The following VPS13D variants were observed in gnomAD, a reference collection of about 807,000 sequenced individuals.
The protein encoded by VPS13D is intermembrane lipid transfer protein VPS13D.
Under a neutral mutation model 461.9 loss-of-function variants are expected in VPS13D, and 187 were observed. The ratio of observed to expected loss-of-function variants is 0.40; its 90% confidence interval spans 0.36 to 0.46. VPS13D has a LOEUF of 0.46. Among genes scored for constraint, VPS13D ranks in the 20% least tolerant of loss-of-function variants. The pLI is 0.60. For synonymous variants in VPS13D, 1,951 were observed against 1,986.3 expected (o/e 0.98, Z 0.47); for missense variants, 4,711 against 5,364.9 (o/e 0.88, Z 3.81).
intron 54 of VPS13D, among the ~76,000 whole-genome samples, chr1:12,370,463 G>A (rs575670791): frequency 2.0e-5 from 3 of 152,190 alleles, no homozygotes; most frequent in South Asian, 4.1e-4. Context: ...CAAAATGTTC[G>A]GAACATTTTT....
intron 52 of VPS13D, 114 bp downstream of exon 52, chr1:12,363,361 C>T: frequency 1.7e-6 from 2 of 1,164,186 alleles, no homozygotes; most frequent in Non-Finnish European, 2.4e-6. Flanking sequence ...AGACAGAGGT[C>T]TTAGAACTTG....
At chr1:12,499,386 A>G (rs892968336) in intron 68 of VPS13D, 11 of 888,088 alleles carry the variant, frequency 1.2e-5, no homozygotes, top group Non-Finnish European at 4.0e-6. Flanking sequence ...AAATGAGATT[A>G]TAAATTATTG....
intron 65 of VPS13D, among the ~76,000 whole-genome samples, chr1:12,445,589 A>C (rs1042362414): frequency 2.6e-5 from 4 of 152,230 alleles, no homozygotes; most frequent in African/African-American, 9.6e-5. Context: ...GCCACTGAGG[A>C]ATCCAAGGGA....
intron 6 of VPS13D, among the ~76,000 whole-genome samples, chr1:12,249,812 C>T (rs1640676677): frequency 1.3e-5 from 2 of 152,182 alleles, no homozygotes; most frequent in East Asian, 1.9e-4. Context: ...ACTTTTGACA[C>T]CAGACGTGTG....
intron 13 of VPS13D, among the ~76,000 whole-genome samples, chr1:12,265,985 C>G (rs1415624778): frequency 1.3e-5 from 2 of 151,978 alleles, no homozygotes; most frequent in African/African-American, 4.8e-5. Flanking sequence ...ATAGCAAGAC[C>G]CTATCTCTAC....
At chr1:12,399,836 G>C (rs1644550609) in intron 60 of VPS13D, among the ~76,000 whole-genome samples, 1 of 151,974 alleles carries the variant, frequency 6.6e-6, no homozygotes, top group Admixed American at 6.6e-5. Context: ...AAAAAAATAT[G>C]TATATATTCA....
At chr1:12,355,074 G>A (rs967372219) in intron 47 of VPS13D, among the ~76,000 whole-genome samples, 2 of 152,214 alleles carry the variant, frequency 1.3e-5, no homozygotes, top group African/African-American at 2.4e-5. Context: ...AGAATCAGCT[G>A]GATTGGTTAC....
At chr1:12,436,493 G>C (rs1645062439) in intron 65 of VPS13D, among the ~76,000 whole-genome samples, 3 of 152,248 alleles carry the variant, frequency 2.0e-5, no homozygotes, top group Middle Eastern at 3.4e-3. Context: ...GGAAAGACTG[G>C]CTCATTGTAC....
chr1:12,310,798 TCCCTCCCTCCCTCCCTCCC>T (rs1470140669), intron 27 of VPS13D, among the ~76,000 whole-genome samples: 68 of 106,060 alleles, frequency 6.4e-4, no homozygotes, highest in South Asian at 4.4e-3. Context: ...CTTCCTTCCC[TCCCTCCCTCCCTCCCTCCC>T]TCCTTCCCTC....
intron 67 of VPS13D, among the ~76,000 whole-genome samples, chr1:12,490,828 C>T (rs989507775): frequency 6.6e-6 from 1 of 151,974 alleles, no homozygotes; most frequent in African/African-American, 2.4e-5. Flanking sequence ...CAGATGCAGC[C>T]CATGGCATGG....
At chr1:12,406,819 G>A (rs575978338) in intron 63 of VPS13D, among the ~76,000 whole-genome samples, 14 of 152,114 alleles carry the variant, frequency 9.2e-5, no homozygotes, top group Admixed American at 2.0e-4. Flanking sequence ...GCCTTTAAAC[G>A]GTTTCATGAG....
chr1:12,282,511 G>A (rs866907381), intron 20 of VPS13D, among the ~76,000 whole-genome samples, 194 bp from the exon 21 acceptor site: 3 of 152,306 alleles, frequency 2.0e-5, no homozygotes, highest in Middle Eastern at 3.4e-3. Flanking sequence ...TGTGTAGGGT[G>A]CTGAGGGAGG....
rs1569856712 is a variant in VPS13D, at chr1:12,304,359, G to A, written c.6217-147G>A. 5.8e-6 allele frequency: 4 copies of A among 683,782 alleles called. No homozygotes were observed. In the South Asian group the frequency reaches 8.0e-5, roughly 14 times the overall value. 42.4% of individuals were successfully genotyped at this position (683,782 alleles called of 1,614,324 possible). A position where few individuals can be genotyped will look rare whatever the true frequency, so the allele number is the denominator to read the frequency against. ...GTAGCCTCTTGTTTATGGGATCTGG[G>A]AGGCTGAGGGAAGTATAAGTATTAT... is the stretch of plus-strand genomic sequence containing the variant. On this transcript the variant is annotated intron_variant, in intron 25 of 69. Transcript: ENST00000620676.
chr1:12,408,376 C>T (rs1053949364), intron 63 of VPS13D, among the ~76,000 whole-genome samples: 3 of 151,766 alleles, frequency 2.0e-5, no homozygotes, highest in Admixed American at 6.6e-5. Context: ...GACTTTTTTG[C>T]GGGGTGGGGA....
At chr1:12,233,226 G>T (rs1640039844) in intron 1 of VPS13D, among the ~76,000 whole-genome samples, 1 of 152,048 alleles carries the variant, frequency 6.6e-6, no homozygotes. Context: ...GGCTGGGTTT[G>T]GACTCCTGAC....
chr1:12,408,500 A>G (rs1285363018), intron 63 of VPS13D, among the ~76,000 whole-genome samples: 2 of 152,108 alleles, frequency 1.3e-5, no homozygotes, highest in African/African-American at 4.8e-5. Context: ...GGTAGCTGGG[A>G]TTATAGGTGC....
intron 24 of VPS13D, among the ~76,000 whole-genome samples, chr1:12,294,976 A>G (rs1209311838): frequency 6.6e-6 from 1 of 151,958 alleles, no homozygotes; most frequent in African/African-American, 2.4e-5. Flanking sequence ...TAATCCCAGC[A>G]CTTTGGGGGG....
At chr1:12,356,652 A>G in intron 49 of VPS13D, 128 bp downstream of exon 49, 1 of 1,267,158 alleles carries the variant, frequency 7.9e-7, no homozygotes, top group Non-Finnish European at 1.1e-6. Flanking sequence ...GCAGGGGAAT[A>G]GAACCATGAC....
chr1:12,307,555 G>C (rs1425597134), intron 26 of VPS13D, among the ~76,000 whole-genome samples: 1 of 152,124 alleles, frequency 6.6e-6, no homozygotes, highest in African/African-American at 2.4e-5. Flanking sequence ...GTGCAGTGGC[G>C]TGATCTTGGC....
Sources: allele counts gnomAD v4.1 joint callset (sites outside exome capture counted in the v4.1 genomes callset), GRCh38; gene constraint gnomAD v4.1.1; transcripts MANE v1.5; gene names NCBI Gene and HGNC (gene_info 2026-07-23, HGNC 2026-07-21).